The following SBF2 variants were observed in gnomAD, a reference collection of about 807,000 sequenced individuals.
SBF2 encodes SET binding factor 2, also known as myotubularin-related protein 13.
Under a neutral mutation model 225.2 loss-of-function variants are expected in SBF2, and 112 were observed. That is an observed-to-expected ratio of 0.50 (90% CI 0.43 to 0.58). The LOEUF is 0.58. Among genes scored for constraint, SBF2 ranks in the 20% least tolerant of loss-of-function variants. The pLI is 0.00. For missense variants in SBF2, 1,996 were observed against 2,206.2 expected (o/e 0.90, Z 1.91); for synonymous variants, 763 against 773.3 (o/e 0.99, Z 0.22).
At chr11:9,798,845 G>A (rs1325420604) in intron 32 of SBF2, among the ~76,000 whole-genome samples, 6 of 151,578 alleles carry the variant, frequency 4.0e-5, no homozygotes, top group South Asian at 2.1e-4. Flanking sequence ...CCAGCTACTC[G>A]GGAGGCTGAG....
intron 17 of SBF2, among the ~76,000 whole-genome samples, chr11:9,860,695 C>G (rs187445859): frequency 1.7e-3 from 266 of 152,198 alleles, no homozygotes; most frequent in Admixed American, 5.0e-3. Context: ...CTGCCTTTAC[C>G]ATGAGTATAC....
At chr11:9,790,398 A>G (rs1461625122) in intron 34 of SBF2, among the ~76,000 whole-genome samples, 158 bp downstream of exon 34, 1 of 152,222 alleles carries the variant, frequency 6.6e-6, no homozygotes, top group Admixed American at 6.5e-5. Context: ...TTTGTGTCAC[A>G]ACCCAAACCT....
At chr11:9,918,611 T>C (rs2134213427) in intron 16 of SBF2, among the ~76,000 whole-genome samples, 1 of 152,342 alleles carries the variant, frequency 6.6e-6, no homozygotes, top group Admixed American at 6.5e-5. Context: ...GCTCATATGA[T>C]CCACACATCT....
intron 17 of SBF2, among the ~76,000 whole-genome samples, chr11:9,882,574 C>A (rs536352751): frequency 6.6e-6 from 1 of 151,920 alleles, no homozygotes; most frequent in African/African-American, 2.4e-5. Flanking sequence ...TTTGGGAGGC[C>A]AAGGCGGGCG....
intron 2 of SBF2, among the ~76,000 whole-genome samples, chr11:10,151,276 C>T (rs1955174397): frequency 6.6e-6 from 1 of 152,198 alleles, no homozygotes; most frequent in Non-Finnish European, 1.5e-5. Context: ...TTTGCTCGCT[C>T]AGCCATCTGG....
At chr11:10,044,122 T>C (rs770819382) in intron 2 of SBF2, among the ~76,000 whole-genome samples, 12 of 148,496 alleles carry the variant, frequency 8.1e-5, no homozygotes, top group Non-Finnish European at 1.3e-4. Flanking sequence ...AGTAAGCAAA[T>C]AAAGAAAATA....
intron 17 of SBF2, among the ~76,000 whole-genome samples, chr11:9,859,927 A>G (rs1857592984): frequency 6.6e-6 from 1 of 152,230 alleles, no homozygotes; most frequent in Admixed American, 6.5e-5. Context: ...CTATAACCTC[A>G]ATTCTCCCTA....
At chr11:9,966,022 T>A (rs113287710) in intron 14 of SBF2, among the ~76,000 whole-genome samples, 1,816 of 152,348 alleles carry the variant, frequency 0.012, 38 homozygotes, top group African/African-American at 0.041. Flanking sequence ...ATCTAAAATA[T>A]CTTTAGCAGT....
chr11:10,200,101 G>A (rs576869487), intron 1 of SBF2, among the ~76,000 whole-genome samples: 78 of 152,152 alleles, frequency 5.1e-4, no homozygotes, highest in Non-Finnish European at 1.1e-3. Flanking sequence ...GACCTATCAT[G>A]GGAGGTTTTA....
At chr11:9,931,358 C>T (rs1190657074) in intron 16 of SBF2, among the ~76,000 whole-genome samples, 1 of 152,192 alleles carries the variant, frequency 6.6e-6, no homozygotes, top group Non-Finnish European at 1.5e-5. Context: ...CAGTAGGGAT[C>T]GACAGACACC....
At chr11:9,878,729 T>C (rs575942546) in intron 17 of SBF2, among the ~76,000 whole-genome samples, 1 of 152,322 alleles carries the variant, frequency 6.6e-6, no homozygotes, top group African/African-American at 2.4e-5. Context: ...TCTAAGATTA[T>C]AATTTTAATT....
chr11:9,807,708 G>C (rs1853930741), intron 32 of SBF2: 1 of 440,588 alleles, frequency 2.3e-6, no homozygotes, highest in African/African-American at 2.0e-5. Context: ...TTTGTTCTTA[G>C]GTAATAAGCC....
At chr11:10,102,538 T>A (rs1952352114) in intron 2 of SBF2, among the ~76,000 whole-genome samples, 1 of 152,204 alleles carries the variant, frequency 6.6e-6, no homozygotes. Flanking sequence ...AAAGACAATG[T>A]AATTTTGTGT....
chr11:9,957,470 T>C (rs1040275149), intron 16 of SBF2: 1 of 152,208 alleles, frequency 6.6e-6, no homozygotes, highest in African/African-American at 2.4e-5. Flanking sequence ...GTTTTTATTT[T>C]TTTTTTTGAG....
intron 1 of SBF2, 50 bp from the exon 2 acceptor site, chr11:10,194,037 A>G: frequency 8.9e-7 from 1 of 1,124,802 alleles, no homozygotes; most frequent in Non-Finnish European, 1.4e-6. Context: ...TAAAAACTAC[A>G]AATACTCATT....
At chr11:9,915,219 C>A (rs899147438) in intron 16 of SBF2, among the ~76,000 whole-genome samples, 1 of 151,540 alleles carries the variant, frequency 6.6e-6, no homozygotes, top group Non-Finnish European at 1.5e-5. Context: ...GAGGCCGAGG[C>A]GGGCAGATCA....
chr11:10,263,752 T>C (rs1961671251), intron 1 of SBF2, among the ~76,000 whole-genome samples: 1 of 152,194 alleles, frequency 6.6e-6, no homozygotes, highest in Non-Finnish European at 1.5e-5. Context: ...ATGAAAACTT[T>C]ATCCTGGCTG....
chr11:10,107,449 A>G (rs1952604461), intron 2 of SBF2, among the ~76,000 whole-genome samples: 1 of 152,236 alleles, frequency 6.6e-6, no homozygotes, highest in Non-Finnish European at 1.5e-5. Flanking sequence ...ATTCTATACA[A>G]TACAAACTGA....
At chr11:10,005,012 C>T (rs1948134012) in intron 6 of SBF2, among the ~76,000 whole-genome samples, 1 of 152,124 alleles carries the variant, frequency 6.6e-6, no homozygotes, top group Non-Finnish European at 1.5e-5. Context: ...CACCCCCATG[C>T]CACCACCAGG....
Sources: allele counts gnomAD v4.1 joint callset (sites outside exome capture counted in the v4.1 genomes callset), GRCh38; gene constraint gnomAD v4.1.1; transcripts MANE v1.5; gene names NCBI Gene and HGNC (gene_info 2026-07-23, HGNC 2026-07-21).